The following CISH variants were observed in gnomAD, a reference collection of about 807,000 sequenced individuals.
CISH encodes cytokine inducible SH2 containing protein, also known as cytokine-inducible SH2-containing protein.
In CISH, 11 loss-of-function variants were observed where a neutral mutation model predicts 21.3. The observed-to-expected ratio is 0.52, with a 90% CI of 0.32 to 0.85. CISH has a LOEUF of 0.85. Among genes scored for constraint, CISH ranks in the 40% least tolerant of loss-of-function variants. The pLI is 0.03. For synonymous variants in CISH, 118 were observed against 142.3 expected, an observed-to-expected ratio of 0.83 and a Z score of 1.22; for missense variants, 280 against 351.7, an observed-to-expected ratio of 0.80 and a Z score of 1.63.
rs752271815 is a variant in CISH, at chr3:50,607,645, T to C, written c.739A>G (p.Met247Val). 10 of 1,613,476 alleles carry C rather than the reference T, an allele frequency of 6.2e-6. No individual in the cohort carries two copies. In the South Asian group the frequency reaches 8.8e-5, roughly 14 times the overall value. The part of the protein sequence containing the change: ...DVDCLPLPRR[M>V]ADYLRQYPFQ... Reference sequence around the variant, plus strand: ...GGGTACTGTCGGAGGTAGTCGGCCATGCGCCGGGGCAGTGGCAGGCAGTCC... The same window carrying C: ...GGGTACTGTCGGAGGTAGTCGGCCACGCGCCGGGGCAGTGGCAGGCAGTCC... Residue 247 changes from methionine (M) to valine (V), a missense_variant, in exon 3 of 3, where the codon ATG (methionine) becomes GTG (valine). Physicochemically the swap from Met to Val is conservative, Grantham distance 21 (BLOSUM62 1). Transcript: ENST00000348721.
In CISH at chr3:50,607,237, T is replaced by A. The variant is rs528592775; in HGVS notation, c.*370A>T. On this transcript the variant is annotated 3_prime_UTR_variant, in exon 3 of 3. Transcript: ENST00000348721. ...AACAGAGGCTGGCTGCCAGTAGGGG[T>A]CCTACCCGACCCTGGGGATTGAAAA... The A allele has an allele frequency of 8.0e-6, 2 of 250,180 alleles. No individual in the cohort carries two copies. The highest frequency in any genetic ancestry group is 4.4e-5 in the African/African-American group (2 of 45,928). 15.5% of individuals were successfully genotyped at this position (250,180 alleles called of 1,614,324 possible). A position where few individuals can be genotyped will look rare whatever the true frequency, so the allele number is the denominator to read the frequency against.
At chr3:50,610,755 G>A (rs914902400) in intron 1 of CISH, 1 of 1,237,552 alleles carries the variant, frequency 8.1e-7, no homozygotes, top group Non-Finnish European at 1.0e-6. Context: ...GTTGCGATAA[G>A]CACAGCCACC....
rs372377941 is a variant in CISH, at chr3:50,607,936, T to C, written c.448A>G (p.Ile150Val). The change falls in exon 3 of 3, where the codon ATC becomes GTC. Residue 150 changes from isoleucine (I) to valine (V), a missense_variant. Ile to Val is a conservative substitution (Grantham distance 29). Transcript: ENST00000348721. ...CTGACCACATCCGGAAAGGCCAGGATGCGTGGCCTGGACAAGCAGTTGGAG... is the reference window on the plus strand; with the variant it reads ...CTGACCACATCCGGAAAGGCCAGGACGCGTGGCCTGGACAAGCAGTTGGAG... ...LDSNCLSRPR[I>V]LAFPDVVSLV... 18 of 1,613,942 alleles carry C rather than the reference T, an allele frequency of 1.1e-5. No homozygotes were observed. The African/African-American group carries it at 2.0e-4, about 18-fold the overall frequency.
In CISH at chr3:50,607,440, C is replaced by T. The variant is rs1052759705; in HGVS notation, c.*167G>A. 1.2e-5 allele frequency: 8 copies of T among 680,708 alleles called. No homozygotes were observed. The highest frequency in any genetic ancestry group is 2.9e-5 in the Admixed American group (1 of 33,996). 42.2% of individuals were successfully genotyped at this position (680,708 alleles called of 1,614,324 possible). ...CATTTACCTCCAAGTTGTGTGACAC[C>T]TCCCCTCTCCCATGCCTTGCTCTTG... is the stretch of plus-strand genomic sequence containing the variant. On this transcript the variant is annotated 3_prime_UTR_variant, in exon 3 of 3. Coordinates refer to ENST00000348721, the MANE Select transcript of CISH (RefSeq NM_145071.4).
At chr3:50,610,261 C>T in intron 1 of CISH, 1 of 1,271,274 alleles carries the variant, frequency 7.9e-7, no homozygotes, top group East Asian at 2.6e-5. Context: ...GTCCAGATAG[C>T]TTAGCCGGTC....
intron 1 of CISH, chr3:50,611,134 G>A: frequency 1.0e-6 from 1 of 995,044 alleles, no homozygotes; most frequent in Non-Finnish European, 1.2e-6. Flanking sequence ...TCAGGTGCCA[G>A]CCTGAGGAAA....
rs1410557075 is a variant in CISH at position 50,608,528 on chromosome 3, A to G, written c.86T>C (p.Leu29Pro). Residue 29 changes from leucine (L) to proline (P), a missense_variant, in exon 2 of 3, where the codon CTG (leucine) becomes CCG (proline). Leu to Pro is a moderately conservative substitution (Grantham distance 98, BLOSUM62 -3). Coordinates refer to ENST00000348721, the MANE Select transcript of CISH (RefSeq NM_145071.4). ...QRPLWAPSLE[L>P]PKPVMQPLPA... is the part of the protein sequence containing the mutation. The stretch of plus-strand genomic sequence containing the variant: ...CAAGGGCTGCATGACTGGCTTGGGC[A>G]GTTCCAGGGACGGGGCCCACAGGGG... 3.1e-6 allele frequency: 5 copies of G among 1,604,186 alleles called. No homozygotes were observed. In the African/African-American group the frequency reaches 6.7e-5, roughly 21 times the overall value.
At chr3:50,611,314 T>C (rs2032317809) in intron 1 of CISH, 1 of 1,303,102 alleles carries the variant, frequency 7.7e-7, no homozygotes, top group Admixed American at 4.3e-5. Context: ...CTGGGATTGT[T>C]GGCCACATCT....
At chr3:50,609,437 A>G (rs886764009) in intron 1 of CISH, 6 of 152,212 alleles carry the variant, frequency 3.9e-5, no homozygotes, top group Admixed American at 3.9e-4. Flanking sequence ...TTTCCGCAAT[A>G]AAGGGTCCCA....
intron 1 of CISH, chr3:50,609,342 C>T (rs1046665311): frequency 6.6e-6 from 1 of 152,296 alleles, no homozygotes; most frequent in African/African-American, 2.4e-5. Flanking sequence ...CTAATCCACA[C>T]TCCAGTTCCC....
chr3:50,609,532 G>A (rs2032259550), intron 1 of CISH: 2 of 152,234 alleles, frequency 1.3e-5, no homozygotes, highest in Admixed American at 1.3e-4. Flanking sequence ...AATCTGAGTA[G>A]CAGCTTTCTC....
chr3:50,607,621 G>T lies in CISH; in HGVS notation c.763C>A (p.Pro255Thr). 6.2e-7 allele frequency: 1 copy of T among 1,612,362 alleles called. No individual in the cohort carries two copies. The highest frequency in any genetic ancestry group is 8.5e-7 in the Non-Finnish European group (1 of 1,179,354). ...RRMADYLRQY[P>T]FQL Reference sequence around the variant, plus strand: ...GCCCCGTACAGTCAGAGCTGGAAGGGGTACTGTCGGAGGTAGTCGGCCATG... The same window carrying T: ...GCCCCGTACAGTCAGAGCTGGAAGGTGTACTGTCGGAGGTAGTCGGCCATG... The change falls in exon 3 of 3, where the codon CCC becomes ACC. Residue 255 changes from proline to threonine, a missense_variant. Physicochemically the swap from Pro to Thr is conservative, Grantham distance 38 (BLOSUM62 -1). Transcript: ENST00000348721.
At position 50,606,533 on chromosome 3, in the gene CISH, G is replaced by C. The variant is rs2032157627; in HGVS notation, c.*1074C>G. 6.6e-6 allele frequency: 1 copy of C among 152,204 alleles called. No individual in the cohort carries two copies. The highest frequency in any genetic ancestry group is 6.5e-5 in the Admixed American group (1 of 15,284). The allele number at this position is 152,204 out of a possible 1,614,324, so 9.4% of individuals were successfully genotyped here. A position where few individuals can be genotyped will look rare whatever the true frequency, so the allele number is the denominator to read the frequency against. ...TATTATAGAGGTAATAAAATAAAGAGGTAATAAAGGTATAATGTCATTACA... is the reference window on the plus strand; with the variant it reads ...TATTATAGAGGTAATAAAATAAAGACGTAATAAAGGTATAATGTCATTACA... On this transcript the variant is annotated 3_prime_UTR_variant, in exon 3 of 3. Coordinates refer to ENST00000348721, the MANE Select transcript of CISH (RefSeq NM_145071.4).
Position 50,607,310 on chromosome 3 carries a change from G to A in CISH, c.*297C>T. 4.8e-6 allele frequency: 2 copies of A among 414,280 alleles called. No individual in the cohort carries two copies. Among genetic ancestry groups the A allele is most frequent in the South Asian group, 3.5e-5 (1 of 28,448 alleles). 25.7% of individuals were successfully genotyped at this position (414,280 alleles called of 1,614,324 possible). On this transcript the variant is annotated 3_prime_UTR_variant, in exon 3 of 3. Transcript: ENST00000348721. The stretch of plus-strand genomic sequence containing the variant: ...CAGTTCAGGTGGCCAGGGCAGGCAA[G>A]CGAGTGGAGGTCTGGGCCCAGCCCA...
intron 1 of CISH, 41 bp from the exon 2 acceptor site, chr3:50,608,634 T>C: frequency 7.3e-7 from 1 of 1,364,566 alleles, no homozygotes; most frequent in South Asian, 1.6e-5. Flanking sequence ...GGACCCATGC[T>C]TCCCCCATCT....
At position 50,607,614 on chromosome 3, in the gene CISH, T is replaced by G. The variant is rs747268233; in HGVS notation, c.770A>C (p.Gln257Pro). The stretch of plus-strand genomic sequence containing the variant: ...GCAGATTGCCCCGTACAGTCAGAGC[T>G]GGAAGGGGTACTGTCGGAGGTAGTC... Reference protein sequence around the residue: ...MADYLRQYPFQL With the variant: ...MADYLRQYPFPL The change falls in exon 3 of 3, where the codon CAG (glutamine) becomes CCG (proline). Residue 257 changes from glutamine (Q) to proline (P), a missense_variant. Gln to Pro is a moderately conservative substitution (Grantham distance 76). Coordinates refer to ENST00000348721, the MANE Select transcript of CISH (RefSeq NM_145071.4). 1 of 1,611,370 alleles carries G rather than the reference T, an allele frequency of 6.2e-7. No individual in the cohort carries two copies. The highest frequency in any genetic ancestry group is 2.2e-5 in the East Asian group (1 of 44,858).
chr3:50,611,416 C>G (rs1428377114), intron 1 of CISH: 7 of 1,360,868 alleles, frequency 5.1e-6, no homozygotes, highest in Middle Eastern at 1.9e-4. Flanking sequence ...GGCCAGCCCC[C>G]GGTTTCCCAA....
chr3:50,606,810 G>A lies in CISH; in HGVS notation c.*797C>T, dbSNP rs1000516669. ...CAGATACAGCTCTGTCCTGTGAGGG[G>A]GTGAGACACAGGCTCTGCTGGGGAC... On this transcript the variant is annotated 3_prime_UTR_variant, in exon 3 of 3. Coordinates refer to ENST00000348721, the MANE Select transcript of CISH (RefSeq NM_145071.4). 2 of 152,302 alleles carry A rather than the reference G, an allele frequency of 1.3e-5. No homozygotes were observed. The highest frequency in any genetic ancestry group is 4.8e-5 in the African/African-American group (2 of 41,448). 9.4% of individuals were successfully genotyped at this position (152,302 alleles called of 1,614,324 possible).
In CISH at chr3:50,608,008, G is replaced by A. The variant is rs2107558567; in HGVS notation, c.376C>T (p.Pro126Ser). The A allele has an allele frequency of 6.2e-7, 1 of 1,614,052 alleles. No individual in the cohort carries two copies. The highest frequency in any genetic ancestry group is 1.1e-5 in the South Asian group (1 of 91,086). Residue 126 changes from proline to serine, a missense_variant, in exon 3 of 3, where the codon CCC (proline) becomes TCC (serine). Coordinates refer to ENST00000348721, the MANE Select transcript of CISH (RefSeq NM_145071.4). Reference sequence around the variant, plus strand: ...GCATACTCAATGCGTACATTGGTGGGGCCACGAGTGGTTTTCACTGACAGC... The same window carrying A: ...GCATACTCAATGCGTACATTGGTGGAGCCACGAGTGGTTTTCACTGACAGC... ...FTLSVKTTRGPTNVRIEYADS... is the reference protein window; with the variant it reads ...FTLSVKTTRGSTNVRIEYADS...
Sources: allele counts gnomAD v4.1 joint callset, GRCh38; gene constraint gnomAD v4.1.1; transcripts MANE v1.5; gene names NCBI Gene and HGNC (gene_info 2026-07-23, HGNC 2026-07-21).